The following WNT8A variants were observed in gnomAD, a reference collection of about 807,000 sequenced individuals.
WNT8A encodes the protein protein Wnt-8a.
In WNT8A, 14 loss-of-function variants were observed where a neutral mutation model predicts 20.5. The ratio of observed to expected loss-of-function variants is 0.68; its 90% confidence interval spans 0.45 to 1.07. WNT8A has a LOEUF of 1.07. Ranked by LOEUF, WNT8A falls within the 50% of genes least tolerant of loss-of-function variation. The pLI is 0.00. For missense variants in WNT8A, 397 were observed against 462.9 expected, an observed-to-expected ratio of 0.86 and a Z score of 1.31; for synonymous variants, 167 against 169.2, an observed-to-expected ratio of 0.99 and a Z score of 0.10.
chr5:138,091,568 A>G (rs1388404993), downstream of WNT8A: 2 of 1,209,766 alleles, frequency 1.7e-6, no homozygotes, highest in Non-Finnish European at 2.2e-6. Flanking sequence ...TGCCTACTGG[A>G]AAGTTTTAGA....
chr5:138,088,833 A>G, intron 3 of WNT8A, 94 bp from the exon 4 acceptor site: 2 of 1,496,110 alleles, frequency 1.3e-6, no homozygotes, highest in Non-Finnish European at 9.0e-7. Context: ...CTTCAGCCAT[A>G]GCTTTACACT....
intron 3 of WNT8A, 148 bp from the exon 4 acceptor site, chr5:138,088,779 C>T (rs960593700): frequency 1.9e-6 from 2 of 1,051,694 alleles, no homozygotes; most frequent in East Asian, 5.2e-5. Flanking sequence ...GCTTTGGCAA[C>T]AGGACTCCCA....
At chr5:138,091,875 A>T (rs217254), downstream of WNT8A, among the ~76,000 whole-genome samples, 1 of 147,516 alleles carries the variant, frequency 6.8e-6, no homozygotes, top group South Asian at 2.1e-4. Flanking sequence ...AAATAAATAA[A>T]TAATAAAGAG....
the WNT8A span, among the ~76,000 whole-genome samples, chr5:138,078,193 G>C: frequency 6.6e-6 from 1 of 152,060 alleles, no homozygotes; most frequent in African/African-American, 2.4e-5. Flanking sequence ...TATCCTCAGG[G>C]GGTGAGAAGC....
At position 138,084,618 on chromosome 5, in the gene WNT8A, CACA is replaced by C. The variant is rs781404950; in HGVS notation, c.281_283del (p.Asn94del). On this transcript the variant is annotated inframe_deletion, in exon 2 of 5. Transcript: ENST00000506684. ...TGAAAATGCTCTTCAGCTCTCCACCCACAACAGGCTGAGAAGTGGTAAGTTTGT... is the reference window on the plus strand; with the variant it reads ...TGAAAATGCTCTTCAGCTCTCCACCCACAGGCTGAGAAGTGGTAAGTTTGT... The C allele has an allele frequency of 2.5e-6, 4 of 1,610,214 alleles. No homozygotes were observed. Among genetic ancestry groups the C allele is most frequent in the Non-Finnish European group, 2.5e-6 (3 of 1,177,984 alleles).
chr5:138,079,289 C>CTTATAATTATA (rs1750443124), upstream of WNT8A, among the ~76,000 whole-genome samples: 2 of 146,890 alleles, frequency 1.4e-5, no homozygotes, highest in African/African-American at 2.5e-5. Flanking sequence ...ATTATATAAA[C>CTTATAATTATA]TTATAATTAT....
chr5:138,083,826 C>A, upstream of WNT8A: 1 of 408,780 alleles, frequency 2.4e-6, no homozygotes, highest in East Asian at 3.7e-5. Context: ...AAGCAGCCTC[C>A]TTCTCATTCT....
upstream of WNT8A, among the ~76,000 whole-genome samples, chr5:138,082,627 C>T (rs1166242330): frequency 6.6e-6 from 1 of 151,926 alleles, no homozygotes; most frequent in South Asian, 2.1e-4. Flanking sequence ...CGCCTGTAAT[C>T]CCAGCACTTT....
chr5:138,091,397 C>G lies in WNT8A; in HGVS notation c.*324C>G, dbSNP rs769424946. 2.9e-5 allele frequency: 40 copies of G among 1,381,330 alleles called. No homozygotes were observed. In the South Asian group the frequency reaches 4.5e-4, roughly 16 times the overall value. The allele number at this position is 1,381,330 out of a possible 1,614,324, so 85.6% of individuals were successfully genotyped here. ...TGGGGTCTATATCTAGAGGGACCTT[C>G]AAAGTATTTGTTCCTTTAAATTTCA... On this transcript the variant is annotated 3_prime_UTR_variant, in exon 5 of 5. Transcript: ENST00000506684.
chr5:138,089,018 G>A lies in WNT8A; in HGVS notation c.513G>A (p.Gly171=), dbSNP rs774394129. Residue 171 remains glycine, a synonymous_variant, in exon 4 of 5, where the codon GGG becomes GGA. Coordinates refer to ENST00000506684, the MANE Select transcript of WNT8A (RefSeq NM_001300939.2). ...SKLFVDSLEK[G]KDARALMNLH... ...TCTTTGTGGACAGTTTGGAGAAGGG[G>A]AAGGATGCCAGAGCCCTGATGAATC... The A allele has an allele frequency of 2.5e-6, 4 of 1,613,740 alleles. No individual in the cohort carries two copies. Among genetic ancestry groups the A allele is most frequent in the African/African-American group, 2.7e-5 (2 of 74,884 alleles).
chr5:138,087,675 GA>G, intron 2 of WNT8A, 130 bp from the exon 3 acceptor site: 7 of 187,294 alleles, frequency 3.7e-5, no homozygotes, highest in Non-Finnish European at 5.6e-5. Flanking sequence ...AAAAAAAAAA[GA>G]AAGAAAAGCA....
chr5:138,084,496 A>G lies in WNT8A; in HGVS notation c.157-2A>G. On this transcript the variant is annotated splice_acceptor_variant, in intron 1 of 4. Transcript: ENST00000506684. LOFTEE classifies it high-confidence loss of function. ...AGCTCACAGCCCTTTTCCCTTTGCC[A>G]GGCCTATCTGACCTACACGACTAGT... 4 of 1,599,076 alleles carry G rather than the reference A, an allele frequency of 2.5e-6. No individual in the cohort carries two copies. Among genetic ancestry groups the G allele is most frequent in the Admixed American group, 1.7e-5 (1 of 57,950 alleles).
Position 138,089,055 on chromosome 5 carries a change from A to C in WNT8A, c.550A>C (p.Arg184=). ...ARALMNLHNN[R]AGRLAVRATM... is the part of the protein sequence containing the mutation. ...AGCCCTGATGAATCTTCACAACAAC[A>C]GGGCCGGCAGACTGGTGGGTATAGG... The change falls in exon 4 of 5, where the codon AGG becomes CGG. Residue 184 remains arginine (R), a synonymous_variant. Coordinates refer to ENST00000506684, the MANE Select transcript of WNT8A (RefSeq NM_001300939.2). The C allele has an allele frequency of 6.2e-7, 1 of 1,613,390 alleles. No individual in the cohort carries two copies. Among genetic ancestry groups the C allele is most frequent in the Non-Finnish European group, 8.5e-7 (1 of 1,179,900 alleles).
intron 2 of WNT8A, among the ~76,000 whole-genome samples, chr5:138,086,288 G>A (rs1368537065): frequency 6.6e-6 from 1 of 151,954 alleles, no homozygotes; most frequent in African/African-American, 2.4e-5. Flanking sequence ...CGCGATCTTG[G>A]CTCAATGCAG....
At position 138,084,269 on chromosome 5, in the gene WNT8A, A is replaced by G. The variant is rs774070771; in HGVS notation, c.142A>G (p.Ile48Val). The change falls in exon 1 of 5, where the codon ATA becomes GTA. Residue 48 changes from isoleucine to valine, a missense_variant. Transcript: ENST00000506684. Reference sequence around the variant, plus strand: ...TGGTAGGTCAGTGAACAATTTCCTGATAACAGGTCCCAAGGTAGGATGATC... The same window carrying G: ...TGGTAGGTCAGTGAACAATTTCCTGGTAACAGGTCCCAAGGTAGGATGATC... ...LFGRSVNNFLITGPKAYLTYT... is the reference protein window; with the variant it reads ...LFGRSVNNFLVTGPKAYLTYT... 1 of 1,614,102 alleles carries G rather than the reference A, an allele frequency of 6.2e-7. No individual in the cohort carries two copies. The highest frequency in any genetic ancestry group is 8.5e-7 in the Non-Finnish European group (1 of 1,180,016).
At chr5:138,086,158 G>T (rs1237133156) in intron 2 of WNT8A, among the ~76,000 whole-genome samples, 1 of 152,108 alleles carries the variant, frequency 6.6e-6, no homozygotes, top group Non-Finnish European at 1.5e-5. Flanking sequence ...AGAGGGCAAG[G>T]TCCCGATCCC....
At chr5:138,085,006 G>A (rs575806734) in intron 2 of WNT8A, among the ~76,000 whole-genome samples, 88 of 151,940 alleles carry the variant, frequency 5.8e-4, no homozygotes, top group Admixed American at 1.1e-3. Flanking sequence ...GCGCAATCTC[G>A]GCTTACCGCA....
Position 138,089,058 on chromosome 5 carries a change from G to T in WNT8A, c.553G>T (p.Ala185Ser). 1 of 1,613,372 alleles carries T rather than the reference G, an allele frequency of 6.2e-7. No homozygotes were observed. Among genetic ancestry groups the T allele is most frequent in the Non-Finnish European group, 8.5e-7 (1 of 1,179,884 alleles). ...CCTGATGAATCTTCACAACAACAGG[G>T]CCGGCAGACTGGTGGGTATAGGCAT... ...RALMNLHNNR[A>S]GRLAVRATMK... The change falls in exon 4 of 5, where the codon GCC becomes TCC. Residue 185 changes from alanine to serine, a missense_variant. Ala to Ser is a moderately conservative substitution (Grantham distance 99). Coordinates refer to ENST00000506684, the MANE Select transcript of WNT8A (RefSeq NM_001300939.2).
intron 2 of WNT8A, among the ~76,000 whole-genome samples, chr5:138,086,492 A>T (rs1750666352): frequency 6.6e-6 from 1 of 152,120 alleles, no homozygotes. Flanking sequence ...TGCTGGGATT[A>T]CATTGGCCTC....
Sources: gnomAD v4.1 joint callset for allele counts (sites outside exome capture counted in the v4.1 genomes callset) on GRCh38, gnomAD v4.1.1 for gene constraint, MANE v1.5 for transcripts, NCBI Gene and HGNC (gene_info 2026-07-23, HGNC 2026-07-21) for gene names.